The following AKT3 variants were observed in gnomAD, a reference collection of about 807,000 sequenced individuals.
AKT3 encodes the protein AKT serine/threonine kinase 3, also known as RAC-gamma serine/threonine-protein kinase.
AKT3 carries 15 observed loss-of-function variants against 65.3 expected under a neutral mutation model. The observed-to-expected ratio is 0.23, with a 90% CI of 0.15 to 0.35. The LOEUF (loss-of-function observed/expected upper bound fraction) is 0.35, where lower values mean the gene tolerates loss of function less well. AKT3 is among the 10% of genes least tolerant of loss of function. The pLI is 1.00. For synonymous variants in AKT3, 206 were observed against 183.8 expected (o/e 1.12, Z -0.98); for missense variants, 243 against 576.5 (o/e 0.42, Z 5.92).
chr1:243,649,691 G>T (rs1206224592), intron 4 of AKT3, among the ~76,000 whole-genome samples: 1 of 152,002 alleles, frequency 6.6e-6, no homozygotes, highest in East Asian at 1.9e-4. Context: ...GTGATAGTTG[G>T]TTGAGAATGA....
chr1:243,666,494 C>G (rs1182468437), intron 3 of AKT3, among the ~76,000 whole-genome samples: 1 of 152,152 alleles, frequency 6.6e-6, no homozygotes, highest in Non-Finnish European at 1.5e-5. Context: ...AATATTTCTA[C>G]CTGGTTGAAT....
intron 8 of AKT3, among the ~76,000 whole-genome samples, chr1:243,611,538 G>A (rs539326097): frequency 6.6e-6 from 1 of 152,198 alleles, no homozygotes. Flanking sequence ...ACAGAAATTA[G>A]CCAGGCATGG....
At chr1:243,706,725 G>A (rs188556194) in intron 2 of AKT3, among the ~76,000 whole-genome samples, 2 of 152,230 alleles carry the variant, frequency 1.3e-5, no homozygotes, top group African/African-American at 2.4e-5. Flanking sequence ...GTAAGAGCAA[G>A]GAAGAAAAGG....
At chr1:243,652,771 CA>C (rs371580711) in intron 4 of AKT3, among the ~76,000 whole-genome samples, 705 of 31,268 alleles carry the variant, frequency 0.023, 7 homozygotes, top group African/African-American at 0.086. Context: ...AAATAGAAAG[CA>C]AAAAAAAAAA....
chr1:243,506,711 T>C (rs554601083), intron 13 of AKT3, among the ~76,000 whole-genome samples: 8 of 152,340 alleles, frequency 5.3e-5, no homozygotes, highest in Non-Finnish European at 1.2e-4. Context: ...CATTTGTGGC[T>C]CCCTGCTCTG....
chr1:243,666,067 G>C (rs930498619), intron 3 of AKT3, among the ~76,000 whole-genome samples: 1 of 151,982 alleles, frequency 6.6e-6, no homozygotes, highest in East Asian at 1.9e-4. Context: ...GCAGTGGCGC[G>C]ATCTCGGCTC....
At chr1:243,669,413 C>T (rs968302819) in intron 3 of AKT3, among the ~76,000 whole-genome samples, 13 of 152,088 alleles carry the variant, frequency 8.5e-5, no homozygotes, top group African/African-American at 3.1e-4. Context: ...AGAAAGAATG[C>T]CCGGTCTGAG....
At chr1:243,579,630 T>C (rs1363126106) in intron 8 of AKT3, among the ~76,000 whole-genome samples, 1 of 152,182 alleles carries the variant, frequency 6.6e-6, no homozygotes, top group African/African-American at 2.4e-5. Context: ...AGCCAAGGTA[T>C]TATTGAACCA....
chr1:243,781,727 T>G (rs1690930125), intron 2 of AKT3, among the ~76,000 whole-genome samples: 1 of 152,184 alleles, frequency 6.6e-6, no homozygotes, highest in Non-Finnish European at 1.5e-5. Context: ...GTTAAAAAGG[T>G]CATATTTTTA....
chr1:243,714,102 G>A (rs1686341086), intron 2 of AKT3, among the ~76,000 whole-genome samples: 1 of 152,172 alleles, frequency 6.6e-6, no homozygotes, highest in South Asian at 2.1e-4. Context: ...CTTGGACACA[G>A]TAATTGTACC....
chr1:243,724,251 A>T (rs2148123279), intron 2 of AKT3, among the ~76,000 whole-genome samples: 1 of 152,092 alleles, frequency 6.6e-6, no homozygotes, highest in South Asian at 2.1e-4. Context: ...AGGGGAAAAA[A>T]AAAAAAAAGA....
chr1:243,692,264 A>G (rs1006001775), intron 3 of AKT3, among the ~76,000 whole-genome samples: 1 of 152,146 alleles, frequency 6.6e-6, no homozygotes, highest in Non-Finnish European at 1.5e-5. Flanking sequence ...TAAGATCCCC[A>G]TATGAGAGAT....
At chr1:243,636,625 C>T (rs909916991) in intron 6 of AKT3, among the ~76,000 whole-genome samples, 1 of 152,076 alleles carries the variant, frequency 6.6e-6, no homozygotes, top group African/African-American at 2.4e-5. Flanking sequence ...TCGGCTTCTA[C>T]CTGGTAACTG....
At position 243,499,951 on chromosome 1, in the gene AKT3, G is replaced by A. The variant is rs1214427076; in HGVS notation, c.*5298C>T. ...GCGGGCGCTGTCCCCGCACGCAGTC[G>A]GGCTGGAGCTGGAGTCTGACTCTAG... On this transcript the variant is annotated 3_prime_UTR_variant, in exon 14 of 14. Transcript: ENST00000673466. 8.8e-6 allele frequency: 6 copies of A among 683,488 alleles called. No individual in the cohort carries two copies. The highest frequency in any genetic ancestry group is 5.3e-5 in the African/African-American group (3 of 56,716). 42.3% of individuals were successfully genotyped at this position (683,488 alleles called of 1,614,324 possible).
chr1:243,810,761 C>T (rs866768470), intron 2 of AKT3, among the ~76,000 whole-genome samples: 4 of 152,182 alleles, frequency 2.6e-5, no homozygotes, highest in South Asian at 2.1e-4. Flanking sequence ...TGATGAACAT[C>T]GATGCAAAAA....
intron 12 of AKT3, among the ~76,000 whole-genome samples, chr1:243,538,831 TA>T (rs920085074): frequency 6.6e-4 from 92 of 139,478 alleles, no homozygotes; most frequent in Middle Eastern, 3.7e-3. Flanking sequence ...CCCCATCTCT[TA>T]AAAAAAAAAA....
intron 10 of AKT3, among the ~76,000 whole-genome samples, chr1:243,558,426 G>A (rs529204601): frequency 1.3e-4 from 20 of 152,130 alleles, no homozygotes; most frequent in Non-Finnish European, 2.5e-4. Context: ...ATTAAAGATA[G>A]TAGGTTTCAA....
intron 2 of AKT3, among the ~76,000 whole-genome samples, chr1:243,698,345 G>T (rs1685189943): frequency 6.6e-6 from 1 of 151,828 alleles, no homozygotes; most frequent in South Asian, 2.1e-4. Context: ...AAATACAAAA[G>T]AAAACACGGA....
intron 2 of AKT3, among the ~76,000 whole-genome samples, chr1:243,755,016 T>C (rs1689041083): frequency 6.6e-6 from 1 of 152,156 alleles, no homozygotes; most frequent in South Asian, 2.1e-4. Flanking sequence ...ATGTAGGAAA[T>C]CATCAATAAA....
Sources: allele counts gnomAD v4.1 joint callset (sites outside exome capture counted in the v4.1 genomes callset), GRCh38; gene constraint gnomAD v4.1.1; transcripts MANE v1.5; gene names NCBI Gene and HGNC (gene_info 2026-07-23, HGNC 2026-07-21).